Variants in BIRC6 observed in about 807,000 individuals in gnomAD.
BIRC6 encodes the protein dual E2 ubiquitin-conjugating enzyme/E3 ubiquitin-protein ligase BIRC6.
BIRC6 carries 98 observed loss-of-function variants against 503.3 expected under a neutral mutation model. The ratio of observed to expected loss-of-function variants is 0.19; its 90% CI spans 0.17 to 0.23. BIRC6 has a LOEUF of 0.23. Ranked by LOEUF, BIRC6 falls within the 10% of genes least tolerant of loss-of-function variation. The probability of loss-of-function intolerance (pLI) is 1.00; values close to 1 mark genes in which losing one functional copy is unlikely to be tolerated. For missense variants in BIRC6, 5,360 were observed against 5,806.0 expected, an observed-to-expected ratio of 0.92 and a Z score of 2.50; for synonymous variants, 2,240 against 2,078.7, an observed-to-expected ratio of 1.08 and a Z score of -2.11.
Position 32,493,660 on chromosome 2 carries a change from A to C in BIRC6, c.8461A>C (p.Thr2821Pro), listed in dbSNP as rs201015586. The change falls in exon 45 of 74, where the codon ACT becomes CCT. Residue 2821 changes from threonine (T) to proline (P), a missense_variant. Physicochemically the swap from Thr to Pro is conservative, Grantham distance 38. This residue lies in a region of BIRC6 where 2,299 missense variants were observed against 2,267.2 expected (regional missense o/e 1.01). Coordinates refer to ENST00000421745, the MANE Select transcript of BIRC6 (RefSeq NM_016252.4). Reference protein sequence around the residue: ...FLLKLIHILSTERGAFQTGQG... With the variant: ...FLLKLIHILSPERGAFQTGQG... Reference sequence around the variant, plus strand: ...GCTCAAGCTAATTCATATACTTTCAACTGAAAGGTAAATTTTTGTGTACTA... The same window carrying C: ...GCTCAAGCTAATTCATATACTTTCACCTGAAAGGTAAATTTTTGTGTACTA... 1 of 1,598,342 alleles carries C rather than the reference A, an allele frequency of 6.3e-7. No homozygotes were observed. Among genetic ancestry groups the C allele is most frequent in the Non-Finnish European group, 8.5e-7 (1 of 1,169,854 alleles).
Position 32,467,752 on chromosome 2 carries a change from A to G in BIRC6, c.5571+13A>G. The G allele has an allele frequency of 1.2e-6, 2 of 1,601,434 alleles. No homozygotes were observed. Among genetic ancestry groups the G allele is most frequent in the Non-Finnish European group, 1.7e-6 (2 of 1,172,422 alleles). ...CAGATTCATGAAGGTAAAGAACTTTAAGAAAGTAAATTGATACGCTTTCTA... is the reference window on the plus strand; with the variant it reads ...CAGATTCATGAAGGTAAAGAACTTTGAGAAAGTAAATTGATACGCTTTCTA... On this transcript the variant is annotated intron_variant, in intron 27 of 73. Transcript: ENST00000421745.
Position 32,421,087 on chromosome 2 carries a change from A to T in BIRC6, c.2872+4924A>T, listed in dbSNP as rs1383041842. On this transcript the variant is annotated intron_variant, in intron 10 of 73. Transcript: ENST00000421745. Reference sequence around the variant, plus strand: ...ATTTGGGTTTATTTTGCTCTTCTCTAGTTTCTTTCTTTCTTTCTTTCTTTC... The same window carrying T: ...ATTTGGGTTTATTTTGCTCTTCTCTTGTTTCTTTCTTTCTTTCTTTCTTTC... Among the ~76,000 whole-genome samples, 53 of 138,872 alleles carry T rather than the reference A, an allele frequency of 3.8e-4. 1 individual carries two copies. Among genetic ancestry groups the T allele is most frequent in the African/African-American group, 1.3e-3 (50 of 37,546 alleles). 91.1% of individuals were successfully genotyped at this position (138,872 alleles called of 152,430 possible).
chr2:32,498,657 A>G (rs7590493), intron 45 of BIRC6, among the ~76,000 whole-genome samples: 152,254 of 152,258 alleles, frequency 1, 76,125 homozygotes, highest in Middle Eastern at 1. Context: ...GTGTGATCTC[A>G]ACTCACTGCA....
At chr2:32,385,171 G>A (rs1301972461) in intron 3 of BIRC6, among the ~76,000 whole-genome samples, 2 of 152,152 alleles carry the variant, frequency 1.3e-5, no homozygotes, top group African/African-American at 4.8e-5. Context: ...TCCACTTCGG[G>A]GTAGTACCAG....
chr2:32,369,945 A>AAAAAAATAT (rs1553373676), intron 1 of BIRC6, among the ~76,000 whole-genome samples: 1 of 44,216 alleles, frequency 2.3e-5, no homozygotes, highest in Non-Finnish European at 3.6e-5. Flanking sequence ...AAAAAAAAAA[A>AAAAAAATAT]ATATATATAT....
rs189308176 is a variant in BIRC6, at chr2:32,438,185, C to A, written c.3632-1323C>A. ...TTAGAATATACTAAGATATTTTTTT[C>A]CATAAAATTCTCCCCAGCATCTTTG... On this transcript the variant is annotated intron_variant, in intron 15 of 73. Transcript: ENST00000421745. Among the ~76,000 whole-genome samples, 4 of 152,124 alleles carry A rather than the reference C, an allele frequency of 2.6e-5. No individual in the cohort carries two copies. The East Asian group carries it at 7.7e-4, about 29-fold the overall frequency.
intron 41 of BIRC6, 81 bp downstream of exon 41, chr2:32,487,882 C>G: frequency 2.5e-6 from 3 of 1,189,630 alleles, no homozygotes; most frequent in Non-Finnish European, 3.6e-6. Flanking sequence ...GAAGTTCATT[C>G]TAATCCTGTC....
chr2:32,412,540 GATATA>G (rs544325490), intron 9 of BIRC6, among the ~76,000 whole-genome samples: 95 of 152,030 alleles, frequency 6.2e-4, no homozygotes, highest in African/African-American at 2.0e-3. Flanking sequence ...TGAATAAGAT[GATATA>G]ATGTAATGTA....
At chr2:32,386,271 A>T (rs192198049) in intron 3 of BIRC6, among the ~76,000 whole-genome samples, 2 of 152,164 alleles carry the variant, frequency 1.3e-5, no homozygotes, top group Non-Finnish European at 2.9e-5. Context: ...ACCAGATATC[A>T]GGGGATTTGT....
At position 32,357,220 on chromosome 2, in the gene BIRC6, T is replaced by A. The variant is rs1213313803; in HGVS notation, c.59T>A (p.Val20Glu). The part of the protein sequence containing the change: ...PGTVTEPLPS[V>E]IVLSAGRKMA... Reference sequence around the variant, plus strand: ...ACTGTCACTGAGCCGCTTCCCAGTGTGATTGTGCTGAGCGCAGGCCGGAAG... The same window carrying A: ...ACTGTCACTGAGCCGCTTCCCAGTGAGATTGTGCTGAGCGCAGGCCGGAAG... Residue 20 changes from valine to glutamate, a missense_variant, in exon 1 of 74, where the codon GTG (valine) becomes GAG (glutamate). This residue lies in a region of BIRC6 where 145 missense variants were observed against 106.9 expected (regional missense o/e 1.36). Transcript: ENST00000421745. This position sits in a 1 kb window ranked among gnomAD's most constrained non-coding sequence, Gnocchi z 4.9. 3 of 1,533,760 alleles carry A rather than the reference T, an allele frequency of 2.0e-6. No individual in the cohort carries two copies. Among genetic ancestry groups the A allele is most frequent in the Non-Finnish European group, 2.6e-6 (3 of 1,144,600 alleles).
At chr2:32,529,566 G>A in intron 59 of BIRC6, 85 bp from the exon 60 acceptor site, 1 of 1,234,398 alleles carries the variant, frequency 8.1e-7, no homozygotes, top group Non-Finnish European at 1.1e-6. Flanking sequence ...ACTCTTGCCT[G>A]TAATTTAGTA....
At chr2:32,465,279 G>T in intron 26 of BIRC6, 115 bp downstream of exon 26, 3 of 573,166 alleles carry the variant, frequency 5.2e-6, no homozygotes. Context: ...TGCAAATCGC[G>T]TTTCCTCTTG....
In BIRC6 at chr2:32,471,198, T is replaced by C. The variant is rs1018438319; in HGVS notation, c.6592+74T>C. 2.0e-6 allele frequency: 3 copies of C among 1,525,150 alleles called. No homozygotes were observed. The African/African-American group carries it at 4.1e-5, about 21-fold the overall frequency. 94.5% of individuals were successfully genotyped at this position (1,525,150 alleles called of 1,614,324 possible). ...ATGTTGGTGGGGATTTTGAGTGACT[T>C]CGCAGTTGTTCCAGAACTGGCTATT... On this transcript the variant is annotated intron_variant, in intron 32 of 73. Transcript: ENST00000421745.
chr2:32,605,714 G>A (rs1017715904), intron 71 of BIRC6, among the ~76,000 whole-genome samples: 5 of 151,942 alleles, frequency 3.3e-5, no homozygotes, highest in African/African-American at 7.3e-5. Flanking sequence ...AAAAATTAGC[G>A]GGATGGGGTC....
chr2:32,358,607 A>T (rs149608831), intron 1 of BIRC6, among the ~76,000 whole-genome samples: 1 of 152,244 alleles, frequency 6.6e-6, no homozygotes, highest in Admixed American at 6.5e-5. Flanking sequence ...TATGTGGTCA[A>T]CCAATTCACT....
At chr2:32,425,191 A>G (rs530046846) in intron 10 of BIRC6, among the ~76,000 whole-genome samples, 3 of 151,646 alleles carry the variant, frequency 2.0e-5, no homozygotes, top group East Asian at 1.9e-4. Flanking sequence ...ACTTTCTCAT[A>G]TTCTGTGGGT....
chr2:32,378,799 C>T (rs888408836), intron 2 of BIRC6, among the ~76,000 whole-genome samples: 1 of 152,134 alleles, frequency 6.6e-6, no homozygotes, highest in African/African-American at 2.4e-5. Context: ...CTTTCAATAA[C>T]TTGAGTTTTA....
At chr2:32,397,683 CAT>C (rs1266127643) in intron 6 of BIRC6, among the ~76,000 whole-genome samples, 8 of 121,888 alleles carry the variant, frequency 6.6e-5, no homozygotes, top group Admixed American at 2.7e-4. Flanking sequence ...TACACACACA[CAT>C]ATATATGTAC....
intron 9 of BIRC6, among the ~76,000 whole-genome samples, chr2:32,411,666 C>T (rs1281994045): frequency 3.3e-5 from 5 of 151,564 alleles, no homozygotes; most frequent in Non-Finnish European, 7.4e-5. Flanking sequence ...TTGGTAGAGA[C>T]GGGGTTTCAC....
Sources: gnomAD v4.1 joint callset for allele counts (sites outside exome capture counted in the v4.1 genomes callset) on GRCh38, gnomAD v4.1.1 for gene constraint, gnomAD v4.1.1 regional missense constraint, Gnocchi (gnomAD v3.1) non-coding constraint, MANE v1.5 for transcripts, NCBI Gene and HGNC (gene_info 2026-07-23, HGNC 2026-07-21) for gene names.